NKAIN3: variants seen among roughly 807,000 people sequenced by gnomAD.
NKAIN3 encodes the protein sodium/potassium transporting ATPase interacting 3.
In NKAIN3, 25 loss-of-function variants were observed where a neutral mutation model predicts 30.2. That is an observed-to-expected ratio of 0.83 (90% confidence interval 0.60 to 1.16). The LOEUF (loss-of-function observed/expected upper bound fraction) is 1.16, where lower values mean the gene tolerates loss of function less well. Ranked by LOEUF, NKAIN3 falls within the 50% of genes most tolerant of loss-of-function variation. The pLI, the probability that NKAIN3 is intolerant of heterozygous loss-of-function variation, is 0.00. For missense variants in NKAIN3, 225 were observed against 254.1 expected (o/e 0.89, Z 0.78); for synonymous variants, 91 against 89.6 (o/e 1.02, Z -0.09).
At chr8:62,888,422 A>G (rs1821206923) in intron 4 of NKAIN3, among the ~76,000 whole-genome samples, 4 of 152,116 alleles carry the variant, frequency 2.6e-5, no homozygotes, top group Admixed American at 1.3e-4. Context: ...TTAACTTTCA[A>G]ATGGTCCACT....
chr8:62,430,639 T>C (rs1237309524), intron 1 of NKAIN3, among the ~76,000 whole-genome samples: 1 of 151,820 alleles, frequency 6.6e-6, no homozygotes, highest in African/African-American at 2.4e-5. Flanking sequence ...AATAAGAACT[T>C]TGCATTTAAG....
At chr8:62,478,756 G>T (rs192446413) in intron 1 of NKAIN3, among the ~76,000 whole-genome samples, 2 of 152,222 alleles carry the variant, frequency 1.3e-5, no homozygotes, top group South Asian at 4.1e-4. Context: ...AGATGATCAG[G>T]GATGGAGTCA....
chr8:62,263,285 A>ACTCTTCATCT (rs1812499377), intron 1 of NKAIN3, among the ~76,000 whole-genome samples: 1 of 152,198 alleles, frequency 6.6e-6, no homozygotes, highest in African/African-American at 2.4e-5. Flanking sequence ...GGAGAATGGT[A>ACTCTTCATCT]GTCAAAGGTC....
chr8:62,341,782 A>G (rs1815754783), intron 1 of NKAIN3, among the ~76,000 whole-genome samples: 1 of 152,008 alleles, frequency 6.6e-6, no homozygotes, highest in African/African-American at 2.4e-5. Context: ...TTTTGACAAC[A>G]TGAGACCCAT....
At chr8:62,778,993 A>G (rs1484784483) in intron 4 of NKAIN3, among the ~76,000 whole-genome samples, 2 of 151,988 alleles carry the variant, frequency 1.3e-5, no homozygotes, top group Non-Finnish European at 1.5e-5. Context: ...CAGTGTGTCC[A>G]GAGATGTCAT....
chr8:62,766,129 C>G (rs918894936), intron 4 of NKAIN3, among the ~76,000 whole-genome samples: 4 of 152,096 alleles, frequency 2.6e-5, no homozygotes, highest in Admixed American at 2.6e-4. Context: ...CATGTTGACA[C>G]AGTCCTATGC....
intron 1 of NKAIN3, among the ~76,000 whole-genome samples, chr8:62,261,299 T>C (rs904354129): frequency 6.6e-6 from 1 of 152,242 alleles, no homozygotes; most frequent in African/African-American, 2.4e-5. Flanking sequence ...CCTTTGGTTT[T>C]AATAATAGCT....
intron 3 of NKAIN3, among the ~76,000 whole-genome samples, chr8:62,728,636 G>C (rs1012067468): frequency 6.6e-6 from 1 of 151,678 alleles, no homozygotes; most frequent in African/African-American, 2.4e-5. Flanking sequence ...TTGCACTCCA[G>C]CCTGGGCGAC....
intron 4 of NKAIN3, among the ~76,000 whole-genome samples, chr8:62,892,865 G>A (rs1821332826): frequency 6.6e-6 from 1 of 152,054 alleles, no homozygotes; most frequent in Admixed American, 6.6e-5. Context: ...GTTAAAAAAT[G>A]GCAATGAGAT....
intron 4 of NKAIN3, among the ~76,000 whole-genome samples, chr8:62,833,467 G>C (rs1026589987): frequency 1.3e-5 from 2 of 151,690 alleles, no homozygotes; most frequent in African/African-American, 2.4e-5. Context: ...GTCCTAACAG[G>C]CAAAATCAGA....
At chr8:62,415,134 A>ATAATATATAATAT (rs59313534) in intron 1 of NKAIN3, among the ~76,000 whole-genome samples, 1 of 73,536 alleles carries the variant, frequency 1.4e-5, no homozygotes, top group Non-Finnish European at 3.4e-5. Flanking sequence ...AATATACTAT[A>ATAATATATAATAT]GTATATATGT....
At chr8:62,739,364 A>T (rs146025444) in intron 3 of NKAIN3, among the ~76,000 whole-genome samples, 1 of 152,174 alleles carries the variant, frequency 6.6e-6, no homozygotes, top group Non-Finnish European at 1.5e-5. Context: ...AACTTTTTGT[A>T]TAGCATTAAT....
chr8:62,409,461 G>A lies in NKAIN3; in HGVS notation c.54+160334G>A, dbSNP rs6992472. Among the ~76,000 whole-genome samples, 979 of 152,206 alleles carry A rather than the reference G, an allele frequency of 6.4e-3. 9 individuals carry two copies. The highest frequency in any genetic ancestry group is 0.022 in the African/African-American group (927 of 41,512). On this transcript the variant is annotated intron_variant, in intron 1 of 6. Transcript: ENST00000623646. The stretch of plus-strand genomic sequence containing the variant: ...GGCCTCCCAAAGTGCTGGGATAATA[G>A]TCATGAACCACTGTGCCTGGCATAT...
chr8:62,725,005 A>G (rs1452801087), intron 3 of NKAIN3, among the ~76,000 whole-genome samples: 2 of 152,076 alleles, frequency 1.3e-5, no homozygotes, highest in Admixed American at 1.3e-4. Flanking sequence ...CCAACAGGGT[A>G]CAAGGGTTTC....
chr8:62,901,126 G>C (rs1821603404), intron 4 of NKAIN3, among the ~76,000 whole-genome samples: 1 of 152,184 alleles, frequency 6.6e-6, no homozygotes, highest in Admixed American at 6.5e-5. Flanking sequence ...AGGAAAAGTG[G>C]TGATACTCAG....
At chr8:62,732,798 T>TTA (rs1815519342) in intron 3 of NKAIN3, among the ~76,000 whole-genome samples, 6 of 152,096 alleles carry the variant, frequency 3.9e-5, no homozygotes, top group Admixed American at 3.9e-4. Flanking sequence ...TATAATTATA[T>TTA]CACATTTATA....
intron 3 of NKAIN3, among the ~76,000 whole-genome samples, chr8:62,704,450 G>A (rs1814451371): frequency 6.6e-6 from 1 of 152,096 alleles, no homozygotes; most frequent in Admixed American, 6.6e-5. Flanking sequence ...CAAGTACTTT[G>A]TATGTTTCTT....
chr8:62,288,699 C>T (rs1404214119), intron 1 of NKAIN3, among the ~76,000 whole-genome samples: 1 of 152,198 alleles, frequency 6.6e-6, no homozygotes, highest in Non-Finnish European at 1.5e-5. Context: ...CCGCAATAAA[C>T]ATACGTGTGC....
At chr8:62,458,978 T>A (rs1390885255) in intron 1 of NKAIN3, among the ~76,000 whole-genome samples, 1 of 151,368 alleles carries the variant, frequency 6.6e-6, no homozygotes, top group Non-Finnish European at 1.5e-5. Context: ...CATTCAAACA[T>A]CATGACTGAT....
Sources: gnomAD v4.1 joint callset for allele counts (sites outside exome capture counted in the v4.1 genomes callset) on GRCh38, gnomAD v4.1.1 for gene constraint, MANE v1.5 for transcripts, NCBI Gene and HGNC (gene_info 2026-07-23, HGNC 2026-07-21) for gene names.